Variants in ERBB4 observed in about 807,000 individuals in gnomAD.
ERBB4 encodes the protein erb-b2 receptor tyrosine kinase 4, also known as receptor tyrosine-protein kinase erbB-4.
A neutral mutation model predicts 158.0 loss-of-function variants in ERBB4; 42 were observed. That is an observed-to-expected ratio of 0.27 (90% CI 0.21 to 0.34). The LOEUF (loss-of-function observed/expected upper bound fraction) is 0.34. ERBB4 is among the 10% of genes least tolerant of loss of function. The probability of loss-of-function intolerance (pLI) is 1.00; values close to 1 mark genes in which losing one functional copy is unlikely to be tolerated. For missense variants in ERBB4, 1,333 were observed against 1,624.1 expected (o/e 0.82, Z 3.08); for synonymous variants, 583 against 558.7 (o/e 1.04, Z -0.61).
intron 3 of ERBB4, among the ~76,000 whole-genome samples, chr2:211,869,821 C>T (rs2078298284): frequency 6.6e-6 from 1 of 152,106 alleles, no homozygotes. Flanking sequence ...TTATTTTCTT[C>T]ATGATTTACA....
intron 1 of ERBB4, among the ~76,000 whole-genome samples, chr2:212,225,339 T>C (rs1193635513): frequency 6.6e-6 from 1 of 152,006 alleles, no homozygotes; most frequent in Non-Finnish European, 1.5e-5. Context: ...AGGAAAAAAA[T>C]GTTTTATCAG....
chr2:211,411,210 G>T (rs910958893), intron 25 of ERBB4, among the ~76,000 whole-genome samples: 1 of 151,996 alleles, frequency 6.6e-6, no homozygotes, highest in African/African-American at 2.4e-5. Context: ...CCCAGCCTAA[G>T]GTACCGTGTT....
chr2:211,913,615 A>ATGTGTGTGTG (rs572744537), intron 3 of ERBB4, among the ~76,000 whole-genome samples: 30 of 102,794 alleles, frequency 2.9e-4, no homozygotes, highest in African/African-American at 1.1e-3. Context: ...AAATATATAT[A>ATGTGTGTGTG]TATATGTGTG....
intron 1 of ERBB4, among the ~76,000 whole-genome samples, chr2:212,289,265 C>T (rs947189172): frequency 6.6e-6 from 1 of 152,076 alleles, no homozygotes; most frequent in African/African-American, 2.4e-5. Context: ...TTTAAATACT[C>T]ATACAATAGT....
intron 2 of ERBB4, among the ~76,000 whole-genome samples, chr2:212,026,455 G>A (rs1344431258): frequency 1.3e-5 from 2 of 151,762 alleles, no homozygotes; most frequent in Non-Finnish European, 3.0e-5. Context: ...CTGAATAAGT[G>A]TATGAACAAA....
At chr2:212,151,838 GA>G (rs1461916771) in intron 1 of ERBB4, among the ~76,000 whole-genome samples, 1 of 152,122 alleles carries the variant, frequency 6.6e-6, no homozygotes, top group Non-Finnish European at 1.5e-5. Flanking sequence ...GCAGTGAGCT[GA>G]GATTGCACCA....
At chr2:212,433,186 T>C in intron 1 of ERBB4, among the ~76,000 whole-genome samples, 1 of 152,058 alleles carries the variant, frequency 6.6e-6, no homozygotes, top group Non-Finnish European at 1.5e-5. Context: ...GTAGATAGAG[T>C]AGCCTTCATA....
At chr2:211,683,016 T>C (rs1436682796) in intron 12 of ERBB4, among the ~76,000 whole-genome samples, 1 of 151,774 alleles carries the variant, frequency 6.6e-6, no homozygotes, top group Non-Finnish European at 1.5e-5. Flanking sequence ...TTTATTTCTA[T>C]TTATGTTTTT....
chr2:211,761,439 C>T (rs1300991563), intron 4 of ERBB4, among the ~76,000 whole-genome samples: 22 of 152,086 alleles, frequency 1.4e-4, no homozygotes, highest in Admixed American at 1.4e-3. Flanking sequence ...TCAGCGACAT[C>T]CATCTTAATC....
chr2:212,277,995 G>A (rs980875269), intron 1 of ERBB4, among the ~76,000 whole-genome samples: 2 of 151,532 alleles, frequency 1.3e-5, no homozygotes, highest in Non-Finnish European at 3.0e-5. Context: ...ACTTCACTGG[G>A]ATAAAATTAG....
At chr2:211,704,298 A>C (rs920688372) in intron 10 of ERBB4, 104 bp from the exon 11 acceptor site, 2 of 770,476 alleles carry the variant, frequency 2.6e-6, no homozygotes, top group African/African-American at 3.4e-5. Context: ...TTGGGAAGTG[A>C]GAAAGGGGTA....
At chr2:212,087,377 A>T (rs1238037131) in intron 2 of ERBB4, among the ~76,000 whole-genome samples, 1 of 152,128 alleles carries the variant, frequency 6.6e-6, no homozygotes, top group Non-Finnish European at 1.5e-5. Flanking sequence ...ACCAATGAAC[A>T]CAATTTATAG....
chr2:212,486,168 G>A (rs932216574), intron 1 of ERBB4, among the ~76,000 whole-genome samples: 4 of 142,590 alleles, frequency 2.8e-5, no homozygotes, highest in African/African-American at 1.2e-4. Context: ...ACAAAATAAG[G>A]GAGGTATAAT....
intron 20 of ERBB4, among the ~76,000 whole-genome samples, chr2:211,502,711 A>AG (rs1321344972): frequency 6.6e-6 from 1 of 152,196 alleles, no homozygotes; most frequent in Non-Finnish European, 1.5e-5. Flanking sequence ...TATTGATTAC[A>AG]GCCATCTTTG....
At chr2:211,886,266 C>T (rs1270651465) in intron 3 of ERBB4, among the ~76,000 whole-genome samples, 1 of 152,136 alleles carries the variant, frequency 6.6e-6, no homozygotes, top group Non-Finnish European at 1.5e-5. Flanking sequence ...TCCATCCAAC[C>T]ATTAACTAAT....
intron 20 of ERBB4, among the ~76,000 whole-genome samples, chr2:211,438,422 C>T (rs1343243298): frequency 6.6e-6 from 1 of 152,098 alleles, no homozygotes; most frequent in Non-Finnish European, 1.5e-5. Flanking sequence ...TACTTAGTAG[C>T]TATGTGATTT....
chr2:212,380,722 A>G (rs1197285233), intron 1 of ERBB4, among the ~76,000 whole-genome samples: 1 of 151,108 alleles, frequency 6.6e-6, no homozygotes, highest in Non-Finnish European at 1.5e-5. Flanking sequence ...TGTATCATAC[A>G]TCTTTATCAT....
At chr2:212,150,408 T>C (rs1426549298) in intron 1 of ERBB4, among the ~76,000 whole-genome samples, 3 of 152,196 alleles carry the variant, frequency 2.0e-5, no homozygotes, top group African/African-American at 4.8e-5. Flanking sequence ...AATTTCATTT[T>C]CCCTAATTAC....
chr2:211,516,145 T>C lies in ERBB4; in HGVS notation c.2487+45758A>G, dbSNP rs566190863. Among the ~76,000 whole-genome samples, 4 of 151,084 alleles carry C rather than the reference T, an allele frequency of 2.6e-5. No homozygotes were observed. In the East Asian group the frequency reaches 7.9e-4, roughly 30 times the overall value. On this transcript the variant is annotated intron_variant, in intron 20 of 27. Coordinates refer to ENST00000342788, the MANE Select transcript of ERBB4 (RefSeq NM_005235.3). ...GTCAGCCAGGATGGTCTCCATCTAC[T>C]AACCTCGTGATCCGCCCGCCTCGGC...
Sources: gnomAD v4.1 joint callset for allele counts (sites outside exome capture counted in the v4.1 genomes callset) on GRCh38, gnomAD v4.1.1 for gene constraint, MANE v1.5 for transcripts, NCBI Gene and HGNC (gene_info 2026-07-23, HGNC 2026-07-21) for gene names.